Variants in LOC112694756 observed in about 807,000 individuals in gnomAD.
At chr16:30,067,728 G>A in the LOC112694756 span, 3 of 1,583,228 alleles carry the variant, frequency 1.9e-6, no homozygotes, top group Non-Finnish European at 2.6e-6. Context: ...AGGTTAGTGA[G>A]GCAGGGAATG....
the LOC112694756 span, chr16:30,053,320 C>G: frequency 1.3e-5 from 2 of 152,862 alleles, no homozygotes; most frequent in African/African-American, 2.4e-5. Context: ...GCCTCGGATC[C>G]CCCGCCCCCC....
chr16:30,055,390 T>C, the LOC112694756 span: 1 of 398,204 alleles, frequency 2.5e-6, no homozygotes. Flanking sequence ...GGTGCATTCA[T>C]TTTTTTGCTC....
At chr16:30,069,564 G>A in the LOC112694756 span, 1 of 1,614,088 alleles carries the variant, frequency 6.2e-7, no homozygotes, top group Non-Finnish European at 8.5e-7. Flanking sequence ...CCTTGCTGAA[G>A]CCCAACATGG....
the LOC112694756 span, among the ~76,000 whole-genome samples, chr16:30,060,658 G>T: frequency 6.6e-6 from 1 of 152,116 alleles, no homozygotes; most frequent in Non-Finnish European, 1.5e-5. Flanking sequence ...TGGCAGCAGA[G>T]CCTCTCTCAG....
the LOC112694756 span, chr16:30,058,816 CTCAT>C: frequency 3.0e-3 from 1,174 of 386,692 alleles, 2 homozygotes; most frequent in Admixed American, 4.0e-3. Context: ...TTGCAAGGTT[CTCAT>C]TCATTCATTC....
At chr16:30,060,048 G>A in the LOC112694756 span, among the ~76,000 whole-genome samples, 4 of 151,728 alleles carry the variant, frequency 2.6e-5, no homozygotes, top group East Asian at 1.9e-4. Context: ...AAACAATCTC[G>A]GCTCACTGCA....
At chr16:30,059,996 T>C in the LOC112694756 span, among the ~76,000 whole-genome samples, 2 of 151,080 alleles carry the variant, frequency 1.3e-5, no homozygotes, top group East Asian at 4.0e-4. Context: ...TTTATTCTTT[T>C]GAGATGGAGT....
At chr16:30,059,417 A>C in the LOC112694756 span, among the ~76,000 whole-genome samples, 1 of 151,918 alleles carries the variant, frequency 6.6e-6, no homozygotes, top group Non-Finnish European at 1.5e-5. Flanking sequence ...AGAATGCTGT[A>C]AAACCCGGGA....
At chr16:30,054,398 A>G in the LOC112694756 span, among the ~76,000 whole-genome samples, 1 of 152,012 alleles carries the variant, frequency 6.6e-6, no homozygotes, top group African/African-American at 2.4e-5. Context: ...TAAGGGAGGG[A>G]GGGATACTAC....
chr16:30,056,980 G>A, the LOC112694756 span, among the ~76,000 whole-genome samples: 282 of 145,842 alleles, frequency 1.9e-3, no homozygotes, highest in African/African-American at 6.1e-3. Context: ...GTGCAATCTC[G>A]GCTCACCGCA....
chr16:30,066,641 C>T, the LOC112694756 span, among the ~76,000 whole-genome samples: 2 of 152,184 alleles, frequency 1.3e-5, no homozygotes, highest in African/African-American at 2.4e-5. Flanking sequence ...AAAAGCCTGA[C>T]CTTGGGATGT....
the LOC112694756 span, chr16:30,054,846 CA>C: frequency 5.0e-6 from 2 of 399,356 alleles, no homozygotes; most frequent in African/African-American, 4.1e-5. Context: ...TGCTGCTCCC[CA>C]TCCCTGCCAT....
At chr16:30,069,941 G>A in the LOC112694756 span, 11 of 1,614,008 alleles carry the variant, frequency 6.8e-6, no homozygotes, top group African/African-American at 1.3e-5. Flanking sequence ...TCCTACGGCC[G>A]AGCCCTGCAG....
chr16:30,065,062 A>G, the LOC112694756 span, among the ~76,000 whole-genome samples: 1 of 152,230 alleles, frequency 6.6e-6, no homozygotes, highest in Non-Finnish European at 1.5e-5. Context: ...GAGGACTACC[A>G]GCCTGGCTGC....
chr16:30,057,792 G>A, the LOC112694756 span, among the ~76,000 whole-genome samples: 6 of 152,074 alleles, frequency 3.9e-5, no homozygotes, highest in Admixed American at 6.6e-5. Context: ...CTGTCTTGGC[G>A]TGGTGGCACT....
the LOC112694756 span, chr16:30,067,389 G>A: frequency 6.2e-7 from 1 of 1,614,100 alleles, no homozygotes; most frequent in Non-Finnish European, 8.5e-7. Flanking sequence ...GACAGAATGG[G>A]TGGAGGGTGC....
the LOC112694756 span, chr16:30,055,458 CAT>C: frequency 5.0e-6 from 2 of 397,704 alleles, no homozygotes; most frequent in East Asian, 3.6e-5. Flanking sequence ...GGGCATGAAT[CAT>C]GTGCAGCCAG....
the LOC112694756 span, chr16:30,069,679 GCC>G: frequency 6.2e-7 from 1 of 1,611,952 alleles, no homozygotes; most frequent in Non-Finnish European, 8.5e-7. Context: ...CACTGGTGAG[GCC>G]CACACTCATC....
the LOC112694756 span, among the ~76,000 whole-genome samples, chr16:30,065,007 G>GCAGCGGC: frequency 6.6e-6 from 1 of 152,270 alleles, no homozygotes; most frequent in African/African-American, 2.4e-5. Flanking sequence ...CAGAGGCCGA[G>GCAGCGGC]CAGCGGCCGG....
Sources: gnomAD v4.1 joint callset for allele counts (sites outside exome capture counted in the v4.1 genomes callset) on GRCh38, gnomAD v4.1.1 for gene constraint, MANE v1.5 for transcripts.